Variants in DLG2 observed in about 807,000 individuals in gnomAD.
DLG2 encodes the protein discs large MAGUK scaffold protein 2, also known as disks large homolog 2.
In DLG2, 45 loss-of-function variants were observed where a neutral mutation model predicts 132.5. That is an observed-to-expected ratio of 0.34 (90% CI 0.27 to 0.44). The LOEUF is 0.44. Ranked by LOEUF, DLG2 falls within the 20% of genes least tolerant of loss-of-function variation. The pLI, the probability that DLG2 is intolerant of heterozygous loss-of-function variation, is 1.00. For synonymous variants in DLG2, 424 were observed against 419.6 expected, an observed-to-expected ratio of 1.01 and a Z score of -0.13; for missense variants, 1,045 against 1,196.9, an observed-to-expected ratio of 0.87 and a Z score of 1.87.
At chr11:84,362,735 C>T (rs1017956305) in intron 7 of DLG2, among the ~76,000 whole-genome samples, 8 of 151,970 alleles carry the variant, frequency 5.3e-5, no homozygotes, top group Non-Finnish European at 1.2e-4. Context: ...GTTCAATTCC[C>T]ACCTATGAGT....
intron 4 of DLG2, among the ~76,000 whole-genome samples, chr11:85,178,075 C>G (rs542559582): frequency 6.6e-6 from 1 of 151,788 alleles, no homozygotes; most frequent in African/African-American, 2.4e-5. Context: ...TAGATCAGAG[C>G]CTGGACCAGC....
chr11:84,004,675 T>A (rs12786173), intron 11 of DLG2, among the ~76,000 whole-genome samples: 3,358 of 152,024 alleles, frequency 0.022, 68 homozygotes, highest in Middle Eastern at 0.034. Flanking sequence ...GGCAATTTCA[T>A]TTACAATGGT....
chr11:84,313,010 C>T (rs1019616413), intron 7 of DLG2, among the ~76,000 whole-genome samples: 2 of 151,974 alleles, frequency 1.3e-5, no homozygotes, highest in Non-Finnish European at 2.9e-5. Context: ...CGGGGCTTCA[C>T]CATGTTGGCC....
chr11:85,272,568 A>G (rs1224586038), intron 4 of DLG2, among the ~76,000 whole-genome samples: 1 of 152,170 alleles, frequency 6.6e-6, no homozygotes, highest in Non-Finnish European at 1.5e-5. Flanking sequence ...AGTCTGCTTT[A>G]CTTAGAGCTA....
intron 17 of DLG2, chr11:83,790,447 T>C (rs867375306): frequency 8.7e-7 from 1 of 1,153,060 alleles, no homozygotes; most frequent in Non-Finnish European, 1.3e-6. Context: ...TTGCAAGATC[T>C]TTTTAGCTCC....
At chr11:84,798,439 T>TC (rs1340992416) in intron 6 of DLG2, among the ~76,000 whole-genome samples, 1 of 152,168 alleles carries the variant, frequency 6.6e-6, no homozygotes, top group African/African-American at 2.4e-5. Context: ...GGAGGCTCTC[T>TC]CCATGATCAT....
chr11:83,904,063 AT>A (rs2074134679), intron 15 of DLG2, among the ~76,000 whole-genome samples: 2 of 152,184 alleles, frequency 1.3e-5, no homozygotes, highest in African/African-American at 4.8e-5. Flanking sequence ...ATTAAGTAAA[AT>A]AAGGGTTATT....
intron 3 of DLG2, among the ~76,000 whole-genome samples, chr11:85,523,302 A>T (rs1400435802): frequency 6.6e-6 from 1 of 152,172 alleles, no homozygotes; most frequent in Non-Finnish European, 1.5e-5. Context: ...CTTTAATAGC[A>T]GTGTGGAAAC....
At chr11:83,468,252 C>G (rs1203777114) in intron 25 of DLG2, among the ~76,000 whole-genome samples, 1 of 152,152 alleles carries the variant, frequency 6.6e-6, no homozygotes, top group African/African-American at 2.4e-5. Context: ...GAGAAACCCA[C>G]TAAGATGGTT....
At chr11:84,438,294 GAA>G (rs2099007003) in intron 7 of DLG2, among the ~76,000 whole-genome samples, 1 of 152,160 alleles carries the variant, frequency 6.6e-6, no homozygotes, top group African/African-American at 2.4e-5. Context: ...TGAGCAGGAT[GAA>G]GTCTCCTCCC....
intron 6 of DLG2, among the ~76,000 whole-genome samples, chr11:84,847,647 A>G (rs1221598991): frequency 1.3e-5 from 2 of 152,292 alleles, no homozygotes; most frequent in Non-Finnish European, 2.9e-5. Context: ...TCAAGAAACA[A>G]TTCCAAGGTG....
At chr11:83,990,058 G>A (rs2154181794) in intron 11 of DLG2, among the ~76,000 whole-genome samples, 1 of 152,230 alleles carries the variant, frequency 6.6e-6, no homozygotes, top group South Asian at 2.1e-4. Flanking sequence ...CACCTACTGT[G>A]GAATGTTGGG....
At position 84,170,360 on chromosome 11, in the gene DLG2, G is replaced by A. The variant is rs2095792709; in HGVS notation, c.574-6849C>T. Among the ~76,000 whole-genome samples, 3 of 152,240 alleles carry A rather than the reference G, an allele frequency of 2.0e-5. No homozygotes were observed. The South Asian group carries it at 6.2e-4, about 32-fold the overall frequency. On this transcript the variant is annotated intron_variant, in intron 8 of 27. Coordinates refer to ENST00000376104, the MANE Select transcript of DLG2 (RefSeq NM_001142699.3). ...ATACTTAGTACCTATCATGTACTTGGTATAATGATAAGCACTGGAGATACA... is the reference window on the plus strand; with the variant it reads ...ATACTTAGTACCTATCATGTACTTGATATAATGATAAGCACTGGAGATACA...
chr11:83,555,055 T>C (rs902719793), intron 19 of DLG2, among the ~76,000 whole-genome samples: 5 of 152,030 alleles, frequency 3.3e-5, no homozygotes, highest in African/African-American at 1.2e-4. Context: ...TGGAGAGAAA[T>C]GGAAACTATT....
At chr11:85,133,736 C>T (rs1046801508) in intron 5 of DLG2, among the ~76,000 whole-genome samples, 4 of 152,114 alleles carry the variant, frequency 2.6e-5, no homozygotes, top group Non-Finnish European at 5.9e-5. Flanking sequence ...CCAAACTTTT[C>T]CCTCCTCACT....
intron 4 of DLG2, among the ~76,000 whole-genome samples, chr11:85,282,877 A>C (rs2078320530): frequency 6.6e-6 from 1 of 152,062 alleles, no homozygotes; most frequent in African/African-American, 2.4e-5. Context: ...AAAATGTGAT[A>C]CATATATACC....
intron 18 of DLG2, among the ~76,000 whole-genome samples, chr11:83,754,959 T>C (rs1015401965): frequency 1.5e-4 from 23 of 151,456 alleles, no homozygotes; most frequent in African/African-American, 5.4e-4. Context: ...TATAATATTA[T>C]TTTAGGTAAG....
chr11:84,944,960 G>T (rs2050011427), intron 6 of DLG2, among the ~76,000 whole-genome samples: 1 of 152,150 alleles, frequency 6.6e-6, no homozygotes, highest in Non-Finnish European at 1.5e-5. Flanking sequence ...GAGTTTCACT[G>T]AGCTTCCTCA....
At chr11:83,967,621 A>G (rs920177221) in intron 12 of DLG2, among the ~76,000 whole-genome samples, 1 of 151,974 alleles carries the variant, frequency 6.6e-6, no homozygotes, top group African/African-American at 2.4e-5. Flanking sequence ...GTTCTTTATA[A>G]ATTTTGGTTA....
Sources: gnomAD v4.1 joint callset for allele counts (sites outside exome capture counted in the v4.1 genomes callset) on GRCh38, gnomAD v4.1.1 for gene constraint, MANE v1.5 for transcripts, NCBI Gene and HGNC (gene_info 2026-07-23, HGNC 2026-07-21) for gene names.